RSPH9: variants seen among roughly 807,000 people sequenced by gnomAD.
RSPH9 encodes the protein radial spoke head protein 9 homolog.
Under a neutral mutation model 27.0 loss-of-function variants are expected in RSPH9, and 27 were observed. That is an observed-to-expected ratio of 1.00 (90% CI 0.74 to 1.38). RSPH9 has a LOEUF of 1.38. Ranked by LOEUF, RSPH9 falls within the 40% of genes most tolerant of loss-of-function variation. RSPH9 has a pLI of 0.00. For missense variants in RSPH9, 347 were observed against 357.4 expected (o/e 0.97, Z 0.24); for synonymous variants, 145 against 147.7 (o/e 0.98, Z 0.13).
intron 3 of RSPH9, among the ~76,000 whole-genome samples, 198 bp downstream of exon 3, chr6:43,655,889 T>C (rs1771956891): frequency 6.6e-6 from 1 of 152,036 alleles, no homozygotes; most frequent in African/African-American, 2.4e-5. Flanking sequence ...GGCCCCTGAC[T>C]CTCTTCAGTT....
chr6:43,645,384 T>TGGGGG, intron 1 of RSPH9, 59 bp downstream of exon 1: 1 of 112,666 alleles, frequency 8.9e-6, no homozygotes. Context: ...CAGGGCGGGG[T>TGGGGG]GGGCGGGTCG....
In RSPH9 at chr6:43,646,183, G is replaced by C. The variant is rs566469746; in HGVS notation, c.227+858G>C. Reference sequence around the variant, plus strand: ...GTCTCGCTCTGTCGCCCAGGCTGGAGTGCAGTGGCTCGATCTCGGCTCACT... The same window carrying C: ...GTCTCGCTCTGTCGCCCAGGCTGGACTGCAGTGGCTCGATCTCGGCTCACT... On this transcript the variant is annotated intron_variant, in intron 1 of 4. Coordinates refer to ENST00000372163, the MANE Select transcript of RSPH9 (RefSeq NM_152732.5). Among the ~76,000 whole-genome samples, 50 of 152,112 alleles carry C rather than the reference G, an allele frequency of 3.3e-4. 1 individual carries two copies. Among genetic ancestry groups the C allele is most frequent in the Non-Finnish European group, 5.9e-5 (4 of 68,004 alleles).
Sources: gnomAD v4.1 joint callset for allele counts (sites outside exome capture counted in the v4.1 genomes callset) on GRCh38, gnomAD v4.1.1 for gene constraint, MANE v1.5 for transcripts, NCBI Gene and HGNC (gene_info 2026-07-23, HGNC 2026-07-21) for gene names.